The following FOXP2 variants were observed in gnomAD, a reference collection of about 807,000 sequenced individuals.
FOXP2 encodes forkhead box protein P2.
FOXP2 carries 12 observed loss-of-function variants against 115.8 expected under a neutral mutation model. That is an observed-to-expected ratio of 0.10 (90% CI 0.07 to 0.17). FOXP2 has a LOEUF of 0.17. Among genes scored for constraint, FOXP2 ranks in the 10% least tolerant of loss-of-function variants. The pLI is 1.00. For synonymous variants in FOXP2, 328 were observed against 297.7 expected (o/e 1.10, Z -1.05); for missense variants, 629 against 843.5 (o/e 0.75, Z 3.15).
intron 3 of FOXP2, chr7:114,570,812 G>A (rs1350541081): frequency 2.5e-6 from 4 of 1,611,196 alleles, no homozygotes; most frequent in Non-Finnish European, 1.7e-6. Flanking sequence ...CCTAGGAATT[G>A]CTTCCAGAAA....
At chr7:114,359,778 G>A (rs1271297748) in intron 2 of FOXP2, among the ~76,000 whole-genome samples, 1 of 152,198 alleles carries the variant, frequency 6.6e-6, no homozygotes, top group Admixed American at 6.5e-5. Context: ...TTTACCCAAT[G>A]CCTGAATCCC....
upstream of FOXP2, among the ~76,000 whole-genome samples, chr7:114,409,636 A>C (rs1019885946): frequency 1.3e-5 from 2 of 151,956 alleles, no homozygotes; most frequent in Non-Finnish European, 2.9e-5. Flanking sequence ...CATTCTGGCA[A>C]TTTTTCTCTG....
intron 2 of FOXP2, among the ~76,000 whole-genome samples, chr7:114,298,838 A>T (rs1245081821): frequency 6.6e-6 from 1 of 152,192 alleles, no homozygotes; most frequent in Non-Finnish European, 1.5e-5. Flanking sequence ...AAGCCAACAT[A>T]GTCGAAATCA....
intron 1 of FOXP2, among the ~76,000 whole-genome samples, chr7:114,137,646 A>G (rs114373755): frequency 0.14 from 21,660 of 152,060 alleles, 2,005 homozygotes; most frequent in East Asian, 0.39. Context: ...AGTTTTCATT[A>G]AAAAAAATGA....
At chr7:114,584,326 C>T (rs1367568422) in intron 3 of FOXP2, among the ~76,000 whole-genome samples, 1 of 152,086 alleles carries the variant, frequency 6.6e-6, no homozygotes, top group East Asian at 1.9e-4. Flanking sequence ...CTTTGCTTTT[C>T]TCCACCTCCC....
rs113109483 is a variant in FOXP2 at position 114,379,721 on chromosome 7, C to T, written c.-10-46781C>T. Among the ~76,000 whole-genome samples the T allele has an allele frequency of 4.5e-3, 691 of 152,214 alleles. 2 individuals carry two copies. The highest frequency in any genetic ancestry group is 0.016 in the South Asian group (75 of 4,816). On this transcript the variant is annotated intron_variant, in intron 2 of 17. Transcript: ENST00000634411. ...AAGATACAGGGATTGAAATGTATGG[C>T]CTGCAGTGTAGGGGATTATTTCTTT...
At chr7:114,476,514 T>C (rs185226534) in intron 2 of FOXP2, among the ~76,000 whole-genome samples, 1 of 152,232 alleles carries the variant, frequency 6.6e-6, no homozygotes, top group East Asian at 1.9e-4. Context: ...GCTGTTTTGG[T>C]TACTGTAGCC....
chr7:114,661,907 G>A, intron 13 of FOXP2, 158 bp from the exon 14 acceptor site: 1 of 868,512 alleles, frequency 1.2e-6, no homozygotes, highest in South Asian at 1.7e-5. Context: ...TAATTTGTAA[G>A]TTTGAGGTTT....
intron 1 of FOXP2, among the ~76,000 whole-genome samples, chr7:114,213,523 A>C (rs1794409982): frequency 1.3e-5 from 2 of 152,208 alleles, no homozygotes; most frequent in East Asian, 3.8e-4. Flanking sequence ...TTGTAAACAT[A>C]TATAATTAAT....
At chr7:114,467,895 C>T (rs1474426028) in intron 2 of FOXP2, among the ~76,000 whole-genome samples, 1 of 152,126 alleles carries the variant, frequency 6.6e-6, no homozygotes, top group Non-Finnish European at 1.5e-5. Context: ...TTTCCATCAC[C>T]TGGTATTCTT....
chr7:114,546,745 A>G (rs1799944774), intron 3 of FOXP2, among the ~76,000 whole-genome samples: 1 of 152,210 alleles, frequency 6.6e-6, no homozygotes, highest in South Asian at 2.1e-4. Flanking sequence ...TCCCAAATAT[A>G]CTAGTTACAA....
chr7:114,620,311 A>G (rs1159106959), intron 3 of FOXP2, among the ~76,000 whole-genome samples: 2 of 152,086 alleles, frequency 1.3e-5, no homozygotes, highest in African/African-American at 4.8e-5. Context: ...AACGAATTAT[A>G]CAAGTCTTAC....
At chr7:114,530,199 T>G (rs973473684) in intron 2 of FOXP2, among the ~76,000 whole-genome samples, 2 of 152,000 alleles carry the variant, frequency 1.3e-5, no homozygotes, top group East Asian at 3.9e-4. Context: ...CTGACCTCAC[T>G]ATCTGAAACC....
intron 3 of FOXP2, among the ~76,000 whole-genome samples, chr7:114,544,489 A>C (rs777005944): frequency 6.6e-6 from 1 of 152,232 alleles, no homozygotes; most frequent in Non-Finnish European, 1.5e-5. Flanking sequence ...CACAAAATAC[A>C]CAGAAAATTC....
intron 1 of FOXP2, among the ~76,000 whole-genome samples, chr7:114,142,504 A>G (rs1011043393): frequency 6.6e-6 from 1 of 152,208 alleles, no homozygotes; most frequent in African/African-American, 2.4e-5. Flanking sequence ...CTAAGTATTC[A>G]GGAACATTTA....
chr7:114,096,073 C>T (rs769374437), intron 1 of FOXP2, among the ~76,000 whole-genome samples: 1 of 152,114 alleles, frequency 6.6e-6, no homozygotes, highest in Non-Finnish European at 1.5e-5. Context: ...CTTTCCCAGT[C>T]CCCATCACGT....
intron 3 of FOXP2, among the ~76,000 whole-genome samples, chr7:114,609,190 A>C (rs1584947802): frequency 6.6e-6 from 1 of 151,066 alleles, no homozygotes; most frequent in South Asian, 2.1e-4. Context: ...TCCAGCCTGG[A>C]TGACAGAGTG....
At chr7:114,329,889 C>G (rs953078703) in intron 2 of FOXP2, among the ~76,000 whole-genome samples, 2 of 151,896 alleles carry the variant, frequency 1.3e-5, no homozygotes, top group African/African-American at 2.4e-5. Flanking sequence ...ATTGGCCAGG[C>G]TGGTCTCAAA....
chr7:114,595,465 AT>A (rs1475927032), intron 3 of FOXP2, among the ~76,000 whole-genome samples: 3 of 151,994 alleles, frequency 2.0e-5, no homozygotes, highest in Non-Finnish European at 4.4e-5. Flanking sequence ...AGTAACTACT[AT>A]TTTTTTGCAG....
Sources: gnomAD v4.1 joint callset for allele counts (sites outside exome capture counted in the v4.1 genomes callset) on GRCh38, gnomAD v4.1.1 for gene constraint, MANE v1.5 for transcripts, NCBI Gene and HGNC (gene_info 2026-07-23, HGNC 2026-07-21) for gene names.